AGBL4: variants seen among roughly 807,000 people sequenced by gnomAD.
The protein encoded by AGBL4 is cytosolic carboxypeptidase 6.
A neutral mutation model predicts 66.4 loss-of-function variants in AGBL4; 58 were observed. The observed-to-expected ratio is 0.87, with a 90% CI of 0.71 to 1.09. The LOEUF (loss-of-function observed/expected upper bound fraction) is 1.09, where lower values mean the gene tolerates loss of function less well. AGBL4 is among the 50% of genes least tolerant of loss of function. The pLI, the probability that AGBL4 is intolerant of heterozygous loss-of-function variation, is 0.00. For missense variants in AGBL4, 579 were observed against 631.0 expected, an observed-to-expected ratio of 0.92 and a Z score of 0.88; for synonymous variants, 234 against 222.9, an observed-to-expected ratio of 1.05 and a Z score of -0.44.
intron 1 of AGBL4, among the ~76,000 whole-genome samples, chr1:49,867,259 C>T (rs552583611): frequency 1.3e-5 from 2 of 151,540 alleles, no homozygotes; most frequent in Admixed American, 1.3e-4. Context: ...AACTAATTTT[C>T]ATGATTTCTA....
At chr1:49,391,566 T>G (rs1157041498) in intron 3 of AGBL4, among the ~76,000 whole-genome samples, 118 of 18,692 alleles carry the variant, frequency 6.3e-3, no homozygotes, top group African/African-American at 0.03. Context: ...TTTTTTTGTT[T>G]TTTTTTTTTT....
chr1:49,802,728 A>T (rs1644891420), intron 2 of AGBL4, among the ~76,000 whole-genome samples: 1 of 152,156 alleles, frequency 6.6e-6, no homozygotes, highest in African/African-American at 2.4e-5. Context: ...CGGGACCAGA[A>T]GGCGGTGACC....
At chr1:49,343,533 A>T (rs1420508452) in intron 3 of AGBL4, among the ~76,000 whole-genome samples, 1 of 152,202 alleles carries the variant, frequency 6.6e-6, no homozygotes, top group Non-Finnish European at 1.5e-5. Flanking sequence ...CCCCACCACC[A>T]GAGGTAAGAC....
intron 3 of AGBL4, among the ~76,000 whole-genome samples, chr1:49,372,000 A>G (rs1049121773): frequency 1.3e-5 from 2 of 152,104 alleles, no homozygotes; most frequent in African/African-American, 2.4e-5. Context: ...AGGATAATGA[A>G]ATTGATTACA....
At chr1:49,523,010 G>C (rs1650386226) in intron 3 of AGBL4, among the ~76,000 whole-genome samples, 1 of 152,012 alleles carries the variant, frequency 6.6e-6, no homozygotes, top group Admixed American at 6.5e-5. Flanking sequence ...CAATGTATGA[G>C]GAGGTCACAG....
chr1:48,534,731 T>C (rs889087632), intron 13 of AGBL4, among the ~76,000 whole-genome samples, 159 bp downstream of exon 13: 1 of 152,136 alleles, frequency 6.6e-6, no homozygotes, highest in Non-Finnish European at 1.5e-5. Context: ...TGCCCTAACA[T>C]ACTGCCCCCT....
intron 3 of AGBL4, among the ~76,000 whole-genome samples, chr1:49,327,694 C>T (rs1011621953): frequency 1.3e-5 from 2 of 152,198 alleles, no homozygotes; most frequent in South Asian, 2.1e-4. Context: ...TTCATAAGGG[C>T]GGAGTCCTCA....
At chr1:49,755,109 C>A (rs1218594708) in intron 2 of AGBL4, among the ~76,000 whole-genome samples, 1 of 152,156 alleles carries the variant, frequency 6.6e-6, no homozygotes, top group South Asian at 2.1e-4. Flanking sequence ...TGCCTGGGTA[C>A]CAGGGCCTAG....
At chr1:49,568,823 C>A (rs1644268759) in intron 3 of AGBL4, among the ~76,000 whole-genome samples, 1 of 152,032 alleles carries the variant, frequency 6.6e-6, no homozygotes, top group African/African-American at 2.4e-5. Flanking sequence ...ACCAATGGAA[C>A]AGCACAGATA....
At chr1:49,437,514 T>C (rs1645928812) in intron 3 of AGBL4, among the ~76,000 whole-genome samples, 1 of 152,212 alleles carries the variant, frequency 6.6e-6, no homozygotes, top group East Asian at 1.9e-4. Context: ...CTCTAGCTTA[T>C]GGAGGCTATC....
chr1:49,760,920 A>G (rs551781304), intron 2 of AGBL4, among the ~76,000 whole-genome samples: 1 of 152,138 alleles, frequency 6.6e-6, no homozygotes, highest in Non-Finnish European at 1.5e-5. Context: ...CAACACAGAA[A>G]CAGAAAACCA....
At chr1:49,851,583 A>G (rs1361284184) in intron 1 of AGBL4, 65 bp from the exon 2 acceptor site, 9 of 1,484,222 alleles carry the variant, frequency 6.1e-6, no homozygotes, top group African/African-American at 1.4e-5. Context: ...TCAGATTTTT[A>G]CTGTTAATTA....
chr1:49,540,450 A>G (rs979653639), intron 3 of AGBL4, among the ~76,000 whole-genome samples: 1 of 152,170 alleles, frequency 6.6e-6, no homozygotes, highest in Non-Finnish European at 1.5e-5. Context: ...GTTACTGTGG[A>G]TGTGTTGATC....
At chr1:48,614,327 A>G (rs902935758) in intron 9 of AGBL4, among the ~76,000 whole-genome samples, 4 of 152,236 alleles carry the variant, frequency 2.6e-5, no homozygotes, top group Admixed American at 2.6e-4. Context: ...TTTTCCTTCT[A>G]GCATAAGTTT....
chr1:48,817,696 C>A, intron 6 of AGBL4: 1 of 244,872 alleles, frequency 4.1e-6, no homozygotes, highest in Non-Finnish European at 7.9e-6. Context: ...CAGGCTGGCT[C>A]TTTGCTGCCC....
intron 2 of AGBL4, among the ~76,000 whole-genome samples, chr1:49,785,417 T>C (rs1259517179): frequency 6.6e-6 from 1 of 152,096 alleles, no homozygotes; most frequent in African/African-American, 2.4e-5. Flanking sequence ...TATACATATA[T>C]CTAAGTGTTT....
chr1:49,420,108 C>T (rs1166729734), intron 3 of AGBL4, among the ~76,000 whole-genome samples: 1 of 152,124 alleles, frequency 6.6e-6, no homozygotes, highest in Non-Finnish European at 1.5e-5. Context: ...GCACAAATGA[C>T]CTGAAATTCT....
At chr1:48,767,116 C>T (rs1221209034) in intron 6 of AGBL4, among the ~76,000 whole-genome samples, 1 of 152,124 alleles carries the variant, frequency 6.6e-6, no homozygotes, top group Non-Finnish European at 1.5e-5. Context: ...AGAGGGTGGC[C>T]CAGTATCTAG....
At chr1:49,980,647 A>G (rs1049042464) in intron 1 of AGBL4, among the ~76,000 whole-genome samples, 4 of 152,062 alleles carry the variant, frequency 2.6e-5, no homozygotes, top group Non-Finnish European at 5.9e-5. Context: ...TATATACCAC[A>G]TTTTGTGTAT....
Sources: gnomAD v4.1 joint callset for allele counts (sites outside exome capture counted in the v4.1 genomes callset) on GRCh38, gnomAD v4.1.1 for gene constraint, MANE v1.5 for transcripts, NCBI Gene and HGNC (gene_info 2026-07-23, HGNC 2026-07-21) for gene names.